Variants in DDI2 observed in about 807,000 individuals in gnomAD.
DDI2 encodes the protein protein DDI1 homolog 2.
Under a neutral mutation model 48.1 loss-of-function variants are expected in DDI2, and 5 were observed. The observed-to-expected ratio is 0.10, with a 90% CI of 0.05 to 0.22. The LOEUF (loss-of-function observed/expected upper bound fraction) is 0.22. Among genes scored for constraint, DDI2 ranks in the 10% least tolerant of loss-of-function variants. The pLI, the probability that DDI2 is intolerant of heterozygous loss-of-function variation, is 1.00. For synonymous variants in DDI2, 205 were observed against 183.6 expected, an observed-to-expected ratio of 1.12 and a Z score of -0.94; for missense variants, 285 against 506.2, an observed-to-expected ratio of 0.56 and a Z score of 4.19.
chr1:15,639,995 GGTGA>G (rs1639982317), intron 5 of DDI2, among the ~76,000 whole-genome samples: 2 of 151,796 alleles, frequency 1.3e-5, no homozygotes, highest in Admixed American at 1.3e-4. Flanking sequence ...CCCCAGCCTG[GGTGA>G]GTGAGACCCT....
chr1:15,655,452 T>C (rs1379211353), intron 8 of DDI2, among the ~76,000 whole-genome samples: 1 of 137,874 alleles, frequency 7.3e-6, no homozygotes, highest in Non-Finnish European at 1.6e-5. Flanking sequence ...AACACTTGTT[T>C]CTAAAAAAAA....
chr1:15,632,561 CTTG>C (rs1639861723), intron 3 of DDI2, among the ~76,000 whole-genome samples: 1 of 152,080 alleles, frequency 6.6e-6, no homozygotes, highest in Admixed American at 6.6e-5. Context: ...AAAATAGGTT[CTTG>C]TTGTAACATA....
intron 6 of DDI2, among the ~76,000 whole-genome samples, chr1:15,648,495 TTTAAATTTGGCGTGGG>T (rs1177782466): frequency 1.3e-5 from 2 of 152,212 alleles, no homozygotes; most frequent in African/African-American, 2.4e-5. Flanking sequence ...ATGTGCTCAT[TTTAAATTTGGCGTGGG>T]CCCTATATTG....
intron 2 of DDI2, among the ~76,000 whole-genome samples, chr1:15,627,603 A>C (rs1353588515): frequency 6.6e-6 from 1 of 152,212 alleles, no homozygotes; most frequent in Non-Finnish European, 1.5e-5. Context: ...TGCACTGGAT[A>C]GAGAGAGGGT....
intron 1 of DDI2, among the ~76,000 whole-genome samples, chr1:15,626,320 A>G (rs775733361): frequency 6.6e-6 from 1 of 152,206 alleles, no homozygotes; most frequent in Admixed American, 6.5e-5. Flanking sequence ...GTAGGGAAGA[A>G]CTCTAAAGAG....
intron 2 of DDI2, chr1:15,627,003 C>T: frequency 1.6e-6 from 1 of 618,456 alleles, no homozygotes. Flanking sequence ...CCATAATTAA[C>T]CCCAACTCCT....
intron 3 of DDI2, among the ~76,000 whole-genome samples, chr1:15,631,412 A>G (rs1410611363): frequency 2.0e-5 from 3 of 152,234 alleles, no homozygotes; most frequent in Non-Finnish European, 4.4e-5. Flanking sequence ...AGTTGCACCC[A>G]GCTAACTTGT....
In DDI2 at chr1:15,666,486, T is replaced by C. The variant is rs1178749234; in HGVS notation, c.*6696T>C. On this transcript the variant is annotated 3_prime_UTR_variant, in exon 10 of 10. Coordinates refer to ENST00000480945, the MANE Select transcript of DDI2 (RefSeq NM_032341.5). The stretch of plus-strand genomic sequence containing the variant: ...TTTTTGAATCACCAAAAACAGTTTT[T>C]AGATGTTTATGTTCTTTGTTTTACT... The C allele has an allele frequency of 6.6e-6, 1 of 152,204 alleles. No individual in the cohort carries two copies. Among genetic ancestry groups the C allele is most frequent in the African/African-American group, 2.4e-5 (1 of 41,446 alleles). The allele number at this position is 152,204 out of a possible 1,614,324, so 9.4% of individuals were successfully genotyped here.
rs1396068867 is a variant in DDI2, at chr1:15,640,690, TAAG to T, written c.760+2260_760+2262del. Among the ~76,000 whole-genome samples the T allele has an allele frequency of 3.3e-5, 5 of 152,286 alleles. 1 individual carries two copies. The South Asian group carries it at 8.3e-4, about 25-fold the overall frequency. On this transcript the variant is annotated intron_variant, in intron 5 of 9. Coordinates refer to ENST00000480945, the MANE Select transcript of DDI2 (RefSeq NM_032341.5). ...CTTTAATAACTTGGCTTTTGTAAAT[TAAG>T]AAGGAGGAAGAAAAGAGAGAATTGC...
rs1246086145 is a variant in DDI2, at chr1:15,663,148, C to T, written c.*3358C>T. ...ATTTTGAGATTCATAATTTCTGATT[C>T]TAGATTATAGTTTGTAACATGTTTG... On this transcript the variant is annotated 3_prime_UTR_variant, in exon 10 of 10. Coordinates refer to ENST00000480945, the MANE Select transcript of DDI2 (RefSeq NM_032341.5). 6.6e-6 allele frequency: 1 copy of T among 152,072 alleles called. No homozygotes were observed. Among genetic ancestry groups the T allele is most frequent in the East Asian group, 1.9e-4 (1 of 5,198 alleles). 9.4% of individuals were successfully genotyped at this position (152,072 alleles called of 1,614,324 possible). A position where few individuals can be genotyped will look rare whatever the true frequency, so the allele number is the denominator to read the frequency against.
At chr1:15,629,490 G>A (rs1242520704) in intron 2 of DDI2, among the ~76,000 whole-genome samples, 1 of 151,526 alleles carries the variant, frequency 6.6e-6, no homozygotes, top group Non-Finnish European at 1.5e-5. Context: ...CCAGCTACTC[G>A]GGAGGCTGAG....
chr1:15,648,923 G>A (rs1640132756), intron 6 of DDI2, among the ~76,000 whole-genome samples: 1 of 151,778 alleles, frequency 6.6e-6, no homozygotes. Context: ...TCTTGTGTAA[G>A]GAAGGAGTTC....
chr1:15,665,280 A>AAAAAT lies in DDI2; in HGVS notation c.*5490_*5491insAAAAT, dbSNP rs934737228. 1.3e-5 allele frequency: 2 copies of AAAAAT among 153,730 alleles called. No homozygotes were observed. Among genetic ancestry groups the AAAAAT allele is most frequent in the Non-Finnish European group, 2.9e-5 (2 of 69,996 alleles). The allele number at this position is 153,730 out of a possible 1,614,324, so 9.5% of individuals were successfully genotyped here. A position where few individuals can be genotyped will look rare whatever the true frequency, so the allele number is the denominator to read the frequency against. ...TCTGTCTCAAAAAAAAAAAAAAAAA[A>AAAAAT]GGTAACCAGTTGCTTGGCAAAGGAA... On this transcript the variant is annotated 3_prime_UTR_variant, in exon 10 of 10. Coordinates refer to ENST00000480945, the MANE Select transcript of DDI2 (RefSeq NM_032341.5).
chr1:15,660,541 G>T lies in DDI2; in HGVS notation c.*751G>T. ...GAAAGGAAATGGGCTCCCACAGAAT[G>T]TGGATCCTCCAAGTGCGAAGAAAAG... On this transcript the variant is annotated 3_prime_UTR_variant, in exon 10 of 10. Coordinates refer to ENST00000480945, the MANE Select transcript of DDI2 (RefSeq NM_032341.5). 1.2e-6 allele frequency: 2 copies of T among 1,613,174 alleles called. No individual in the cohort carries two copies. The highest frequency in any genetic ancestry group is 8.5e-7 in the Non-Finnish European group (1 of 1,179,782).
chr1:15,625,726 C>A (rs774954417), intron 1 of DDI2, among the ~76,000 whole-genome samples: 47 of 152,144 alleles, frequency 3.1e-4, no homozygotes, highest in Non-Finnish European at 4.9e-4. Flanking sequence ...TTAAGCAATT[C>A]TCCTGCCACA....
At position 15,666,262 on chromosome 1, in the gene DDI2, T is replaced by C. The variant is rs964707672; in HGVS notation, c.*6472T>C. On this transcript the variant is annotated 3_prime_UTR_variant, in exon 10 of 10. Coordinates refer to ENST00000480945, the MANE Select transcript of DDI2 (RefSeq NM_032341.5). ...ACCTTCGATGTGCTTGATTTTCTTT[T>C]GTGCCTTAGTTTCTCTGAATAGCAG... 9 of 152,142 alleles carry C rather than the reference T, an allele frequency of 5.9e-5. No homozygotes were observed. Among genetic ancestry groups the C allele is most frequent in the African/African-American group, 1.9e-4 (8 of 41,424 alleles). The allele number at this position is 152,142 out of a possible 1,614,324, so 9.4% of individuals were successfully genotyped here.
intron 3 of DDI2, among the ~76,000 whole-genome samples, chr1:15,632,471 T>C (rs1639860394): frequency 6.6e-6 from 1 of 151,908 alleles, no homozygotes; most frequent in Non-Finnish European, 1.5e-5. Context: ...AGGTGGAGGT[T>C]GTAGTGAGCC....
intron 7 of DDI2, among the ~76,000 whole-genome samples, chr1:15,651,089 G>A (rs1267553461): frequency 2.0e-5 from 3 of 151,990 alleles, no homozygotes; most frequent in Admixed American, 6.6e-5. Flanking sequence ...TCCTGACCTC[G>A]TGATCCGCCC....
At chr1:15,635,187 C>T (rs1639908742) in intron 4 of DDI2, among the ~76,000 whole-genome samples, 2 of 151,452 alleles carry the variant, frequency 1.3e-5, no homozygotes, top group Admixed American at 1.3e-4. Flanking sequence ...TATGATTGTA[C>T]CACTGCATTC....
Sources: allele counts gnomAD v4.1 joint callset (sites outside exome capture counted in the v4.1 genomes callset), GRCh38; gene constraint gnomAD v4.1.1; transcripts MANE v1.5; gene names NCBI Gene and HGNC (gene_info 2026-07-23, HGNC 2026-07-21).